C12orf57: variants seen among roughly 807,000 people sequenced by gnomAD.
The protein encoded by C12orf57 is chromosome 12 open reading frame 57, also known as protein C10.
Under a neutral mutation model 11.3 loss-of-function variants are expected in C12orf57, and 14 were observed. The observed-to-expected ratio is 1.24, with a 90% CI of 0.82 to 1.94. The LOEUF (loss-of-function observed/expected upper bound fraction) is 1.94, where lower values mean the gene tolerates loss of function less well. Among genes scored for constraint, C12orf57 ranks in the 30% most tolerant of loss-of-function variants. C12orf57 has a pLI of 0.00. For synonymous variants in C12orf57, 100 were observed against 74.6 expected, an observed-to-expected ratio of 1.34 and a Z score of -1.76; for missense variants, 229 against 172.4, an observed-to-expected ratio of 1.33 and a Z score of -1.84.
chr12:6,943,868 G>A (rs76417910), upstream of C12orf57: 521 of 941,870 alleles, frequency 5.5e-4, 3 homozygotes, highest in African/African-American at 5.7e-3. Flanking sequence ...GCTTTTTACC[G>A]GAAAGCCCCT....
upstream of C12orf57, chr12:6,943,802 A>G: frequency 2.2e-6 from 2 of 900,140 alleles, no homozygotes; most frequent in Admixed American, 3.4e-5. Flanking sequence ...TCTTCTCTCC[A>G]AACACATACG....
upstream of C12orf57, chr12:6,943,987 C>G (rs1018000550): frequency 3.2e-6 from 5 of 1,585,928 alleles, no homozygotes; most frequent in Non-Finnish European, 3.4e-6. Context: ...GTTTGGGCCA[C>G]GCCTGGGCGC....
intron 2 of C12orf57, 160 bp downstream of exon 2, chr12:6,944,812 A>C: frequency 6.8e-7 from 1 of 1,464,934 alleles, no homozygotes; most frequent in Non-Finnish European, 9.1e-7. Context: ...CCCAGGGTCT[A>C]CCCTGAGCTT....
At chr12:6,945,031 T>G in intron 2 of C12orf57, 1 of 425,626 alleles carries the variant, frequency 2.3e-6, no homozygotes, top group Non-Finnish European at 3.9e-6. Context: ...TTTTATATAA[T>G]AGTCTGAATA....
In C12orf57 at chr12:6,944,478, G is replaced by A. The variant is rs782191531; in HGVS notation, c.55G>A (p.Val19Ile). Residue 19 changes from valine to isoleucine, a missense_variant and splice_region_variant, in exon 2 of 3, where the codon GTC becomes ATC. Coordinates refer to ENST00000229281, the MANE Select transcript of C12orf57 (RefSeq NM_138425.4). The part of the protein sequence containing the change: ...AALSAEQAKV[V>I]LAEVIQAFSA... ...CCTGGGATGCTTCTGGCGCGCAGTG[G>A]TCCTCGCGGAGGTGATCCAGGCGTT... 1.2e-6 allele frequency: 2 copies of A among 1,611,768 alleles called. No individual in the cohort carries two copies. Among genetic ancestry groups the A allele is most frequent in the African/African-American group, 2.7e-5 (2 of 74,882 alleles).
upstream of C12orf57, chr12:6,943,687 T>C (rs149053447): frequency 2.8e-4 from 356 of 1,283,076 alleles, 1 homozygote; most frequent in African/African-American, 4.7e-3. Flanking sequence ...ATATTATTTT[T>C]CCTACTGAAA....
rs2138242866 is a variant in C12orf57 at position 6,945,882 on chromosome 12, C to T, written c.341C>T (p.Pro114Leu). 1 of 1,613,578 alleles carries T rather than the reference C, an allele frequency of 6.2e-7. No individual in the cohort carries two copies. Among genetic ancestry groups the T allele is most frequent in the East Asian group, 2.2e-5 (1 of 44,882 alleles). The change falls in exon 3 of 3, where the codon CCC (proline) becomes CTC (leucine). Residue 114 changes from proline to leucine, a missense_variant. Coordinates refer to ENST00000229281, the MANE Select transcript of C12orf57 (RefSeq NM_138425.4). The stretch of plus-strand genomic sequence containing the variant: ...TTTCTGCCGCCCATGACCCTGCCAC[C>T]CCATGGGCCTGCTGCTGGTGGCAGC... ...ALFLPPMTLP[P>L]HGPAAGGSVA...
rs200541396 is a variant in C12orf57 at position 6,944,130 on chromosome 12, C to T, written c.9C>T (p.Ser3=). 101 of 1,614,220 alleles carry T rather than the reference C, an allele frequency of 6.3e-5. No homozygotes were observed. In the African/African-American group the frequency reaches 1.2e-3, roughly 19 times the overall value. Residue 3 remains serine, a synonymous_variant, in exon 1 of 3, where the codon TCC becomes TCT. Coordinates refer to ENST00000229281, the MANE Select transcript of C12orf57 (RefSeq NM_138425.4). MA[S]ASTQPAALSA... is the part of the protein sequence containing the mutation. ...AGAGCTTCAGACGCCCTATGGCGTC[C>T]GCCTCGACCCAACCGGCGGCCTTGA...
At chr12:6,944,247 G>A (rs1945730927) in intron 1 of C12orf57, 74 bp downstream of exon 1, 11 of 1,612,054 alleles carry the variant, frequency 6.8e-6, no homozygotes, top group Non-Finnish European at 9.3e-6. Context: ...GTCTGGGGAG[G>A]ATGCGGGCGG....
At position 6,944,048 on chromosome 12, in the gene C12orf57, A is replaced by G. The variant is rs370542152; in HGVS notation, c.-74A>G. On this transcript the variant is annotated 5_prime_UTR_variant, in exon 1 of 3. Transcript: ENST00000229281. Reference sequence around the variant, plus strand: ...CTTTCCGCTCCCAGGGGCGTTGGGAACGGTTGTAGGACGTGGCTCTTTATT... The same window carrying G: ...CTTTCCGCTCCCAGGGGCGTTGGGAGCGGTTGTAGGACGTGGCTCTTTATT... The G allele has an allele frequency of 6.3e-5, 101 of 1,611,580 alleles. No homozygotes were observed. Among genetic ancestry groups the G allele is most frequent in the Middle Eastern group, 3.3e-4 (2 of 6,080 alleles).
At chr12:6,945,623 C>A in intron 2 of C12orf57, 148 bp from the exon 3 acceptor site, 1 of 806,756 alleles carries the variant, frequency 1.2e-6, no homozygotes. Context: ...ATCCAAACCA[C>A]ACGGGACAGA....
At chr12:6,944,413 G>A in intron 1 of C12orf57, 63 bp from the exon 2 acceptor site, 1 of 1,577,340 alleles carries the variant, frequency 6.3e-7, no homozygotes, top group Non-Finnish European at 8.6e-7. Flanking sequence ...CTCTCCGCTG[G>A]GCCCGCTGTC....
Position 6,944,130 on chromosome 12 carries a change from C to A in C12orf57, c.9C>A (p.Ser3=). 1.2e-6 allele frequency: 2 copies of A among 1,614,220 alleles called. No individual in the cohort carries two copies. Among genetic ancestry groups the A allele is most frequent in the Non-Finnish European group, 1.7e-6 (2 of 1,180,034 alleles). Residue 3 remains serine (S), a synonymous_variant, in exon 1 of 3, where the codon TCC becomes TCA. Coordinates refer to ENST00000229281, the MANE Select transcript of C12orf57 (RefSeq NM_138425.4). MA[S]ASTQPAALSA... is the part of the protein sequence containing the mutation. ...AGAGCTTCAGACGCCCTATGGCGTC[C>A]GCCTCGACCCAACCGGCGGCCTTGA...
chr12:6,943,547 C>T, upstream of C12orf57: 1 of 1,288,752 alleles, frequency 7.8e-7, no homozygotes, highest in East Asian at 5.6e-5. Context: ...TCCAGGTCTC[C>T]GGGCTTAACA....
In C12orf57 at chr12:6,945,992, C is replaced by A; in HGVS notation, c.*70C>A. 1.3e-6 allele frequency: 2 copies of A among 1,526,292 alleles called. No homozygotes were observed. The highest frequency in any genetic ancestry group is 2.4e-5 in the South Asian group (2 of 84,732). The allele number at this position is 1,526,292 out of a possible 1,614,324, so 94.5% of individuals were successfully genotyped here. On this transcript the variant is annotated 3_prime_UTR_variant, in exon 3 of 3. Transcript: ENST00000229281. The stretch of plus-strand genomic sequence containing the variant: ...GATGTTCCAGACAATAATAAATGCG[C>A]CTGTGACTTAGCCTTGGTGTCAGTC...
chr12:6,943,935 G>C (rs74057228), upstream of C12orf57: 6,341 of 1,394,266 alleles, frequency 4.5e-3, 152 homozygotes, highest in African/African-American at 0.047. Context: ...ATTATGGGTA[G>C]TTTTGGTGGT....
upstream of C12orf57, chr12:6,943,435 G>T: frequency 9.2e-7 from 1 of 1,089,990 alleles, no homozygotes; most frequent in Non-Finnish European, 1.2e-6. Context: ...AGCCTGGAAG[G>T]GAAGGGAAAT....
rs782684828 is a variant in C12orf57 at position 6,944,325 on chromosome 12, C to G, written c.53-151C>G. 1.6e-5 allele frequency: 25 copies of G among 1,570,526 alleles called. No individual in the cohort carries two copies. In the South Asian group the frequency reaches 2.8e-4, roughly 18 times the overall value. ...GGGGTAGGGGACGCCGGGTACCGTCCTTCTAAGTGGGGCGCTTGCCCCCAA... is the reference window on the plus strand; with the variant it reads ...GGGGTAGGGGACGCCGGGTACCGTCGTTCTAAGTGGGGCGCTTGCCCCCAA... On this transcript the variant is annotated intron_variant, in intron 1 of 2. Coordinates refer to ENST00000229281, the MANE Select transcript of C12orf57 (RefSeq NM_138425.4).
chr12:6,943,738 GA>G, upstream of C12orf57: 3 of 1,226,600 alleles, frequency 2.4e-6, no homozygotes, highest in South Asian at 1.4e-5. Flanking sequence ...ATAGGAACAA[GA>G]AAAAAGTCAC....
Sources: gnomAD v4.1 joint callset for allele counts on GRCh38, gnomAD v4.1.1 for gene constraint, MANE v1.5 for transcripts, NCBI Gene and HGNC (gene_info 2026-07-23, HGNC 2026-07-21) for gene names.